PAPPA2: variants seen among roughly 807,000 people sequenced by gnomAD.
PAPPA2 encodes pappalysin-2.
Under a neutral mutation model 176.4 loss-of-function variants are expected in PAPPA2, and 86 were observed. The observed-to-expected ratio is 0.49, with a 90% confidence interval of 0.41 to 0.58. The LOEUF (loss-of-function observed/expected upper bound fraction) is 0.58. Ranked by LOEUF, PAPPA2 falls within the 20% of genes least tolerant of loss-of-function variation. PAPPA2 has a pLI of 0.00. For synonymous variants in PAPPA2, 809 were observed against 852.2 expected (o/e 0.95, Z 0.88); for missense variants, 2,073 against 2,256.9 (o/e 0.92, Z 1.65).
intron 14 of PAPPA2, among the ~76,000 whole-genome samples, chr1:176,760,944 C>T (rs1571286299): frequency 6.6e-6 from 1 of 152,072 alleles, no homozygotes; most frequent in African/African-American, 2.4e-5. Context: ...GTCTCAGCCT[C>T]CCGGGTAGCT....
At chr1:176,739,855 C>A in intron 13 of PAPPA2, 94 bp downstream of exon 13, 1 of 1,569,730 alleles carries the variant, frequency 6.4e-7, no homozygotes, top group African/African-American at 1.4e-5. Context: ...TGTCTGGGAT[C>A]TTGCCTACAT....
chr1:176,678,018 G>A (rs1659392806), intron 4 of PAPPA2, among the ~76,000 whole-genome samples: 1 of 152,182 alleles, frequency 6.6e-6, no homozygotes, highest in Non-Finnish European at 1.5e-5. Flanking sequence ...CATTAACGAA[G>A]AGTTTCCAGA....
chr1:176,635,147 CA>C (rs1429064049), intron 3 of PAPPA2, among the ~76,000 whole-genome samples: 2 of 152,042 alleles, frequency 1.3e-5, no homozygotes, highest in Admixed American at 1.3e-4. Context: ...CTGCTATAGG[CA>C]GAAGTTTTCA....
chr1:176,761,125 A>T (rs951914600), intron 14 of PAPPA2, among the ~76,000 whole-genome samples: 1 of 152,102 alleles, frequency 6.6e-6, no homozygotes, highest in African/African-American at 2.4e-5. Context: ...CCGGCCAAAA[A>T]CATGTTTTAA....
chr1:176,843,422 A>G lies in PAPPA2; in HGVS notation c.*968A>G, dbSNP rs1239224154. 2.0e-5 allele frequency: 3 copies of G among 151,788 alleles called. No homozygotes were observed. The highest frequency in any genetic ancestry group is 4.4e-5 in the Non-Finnish European group (3 of 67,956). 9.4% of individuals were successfully genotyped at this position (151,788 alleles called of 1,614,324 possible). On this transcript the variant is annotated 3_prime_UTR_variant, in exon 23 of 23. Transcript: ENST00000367662. Reference sequence around the variant, plus strand: ...TACTAACTTTTGTCAACTTCTCAGAACTCCCAACTGGAGTCGGTGAGACCT... The same window carrying G: ...TACTAACTTTTGTCAACTTCTCAGAGCTCCCAACTGGAGTCGGTGAGACCT...
chr1:176,616,825 A>G (rs1269829190), intron 3 of PAPPA2: 3 of 648,894 alleles, frequency 4.6e-6, no homozygotes, highest in Middle Eastern at 4.9e-4. Context: ...TAGGGTTATG[A>G]AATAATTAAA....
intron 14 of PAPPA2, among the ~76,000 whole-genome samples, chr1:176,741,282 C>T (rs1258519429): frequency 6.6e-6 from 1 of 152,152 alleles, no homozygotes; most frequent in Non-Finnish European, 1.5e-5. Context: ...GAATTCACTT[C>T]CAAGCTCACT....
rs748710026 is a variant in PAPPA2, at chr1:176,699,587, C to A, written c.3234C>A (p.Asp1078Glu). The A allele has an allele frequency of 6.3e-7, 1 of 1,597,336 alleles. No homozygotes were observed. Among genetic ancestry groups the A allele is most frequent in the Non-Finnish European group, 8.6e-7 (1 of 1,167,878 alleles). ...VVTHSHRKFT[D>E]VEVTPGQMYQ... ...CACATTCTCACAGGAAGTTCACGGA[C>A]GTGTGAGTTTGGTAGCATGACTATG... Residue 1078 changes from aspartate (D) to glutamate (E), a missense_variant and splice_region_variant, in exon 8 of 23, where the codon GAC becomes GAA. Physicochemically the swap from Asp to Glu is conservative, Grantham distance 45. This residue lies in a region of PAPPA2 where 846 missense variants were observed against 857.9 expected (regional missense o/e 0.99). Transcript: ENST00000367662.
chr1:176,470,515 G>T (rs569639304), intron 1 of PAPPA2, among the ~76,000 whole-genome samples: 11 of 152,240 alleles, frequency 7.2e-5, no homozygotes, highest in Admixed American at 3.3e-4. Flanking sequence ...CAGGGGAGAG[G>T]AATGATCAGG....
chr1:176,765,032 G>C (rs1218295310), intron 14 of PAPPA2, among the ~76,000 whole-genome samples: 1 of 152,222 alleles, frequency 6.6e-6, no homozygotes, highest in Non-Finnish European at 1.5e-5. Context: ...ATGGATTCAA[G>C]AGGTGTGAAT....
intron 4 of PAPPA2, among the ~76,000 whole-genome samples, chr1:176,686,521 T>C (rs1397561226): frequency 6.6e-6 from 1 of 152,192 alleles, no homozygotes; most frequent in African/African-American, 2.4e-5. Flanking sequence ...AGCCAAACTA[T>C]ATCACCATTG....
intron 3 of PAPPA2, among the ~76,000 whole-genome samples, chr1:176,631,810 G>A (rs951805188): frequency 4.6e-5 from 7 of 152,186 alleles, no homozygotes; most frequent in Non-Finnish European, 8.8e-5. Context: ...GGTAAAGGCA[G>A]TATTTCTTTA....
chr1:176,835,287 C>A (rs2102988226), intron 21 of PAPPA2, among the ~76,000 whole-genome samples: 1 of 152,272 alleles, frequency 6.6e-6, no homozygotes. Context: ...TTCATTTCAT[C>A]ATTTGTAAAA....
intron 6 of PAPPA2, among the ~76,000 whole-genome samples, chr1:176,692,543 G>A (rs1186271236): frequency 6.6e-6 from 1 of 152,228 alleles, no homozygotes; most frequent in Non-Finnish European, 1.5e-5. Context: ...TCCCCCCTCA[G>A]GGAGGCCTGG....
chr1:176,699,695 G>A, intron 8 of PAPPA2, 106 bp downstream of exon 8: 1 of 1,469,474 alleles, frequency 6.8e-7, no homozygotes, highest in Non-Finnish European at 9.1e-7. Context: ...TCGGAGGAAT[G>A]TTTAGACTTT....
At chr1:176,732,166 C>T (rs1424551703) in intron 12 of PAPPA2, among the ~76,000 whole-genome samples, 2 of 152,098 alleles carry the variant, frequency 1.3e-5, no homozygotes, top group Non-Finnish European at 2.9e-5. Flanking sequence ...GATTATTTGA[C>T]TGTGTTTATA....
At chr1:176,814,295 A>C (rs763421490) in intron 21 of PAPPA2, among the ~76,000 whole-genome samples, 24 of 152,178 alleles carry the variant, frequency 1.6e-4, no homozygotes, top group Non-Finnish European at 3.1e-4. Context: ...TGAATTTTAA[A>C]ATAGTTTTTT....
At chr1:176,561,011 G>A (rs1031934446) in intron 2 of PAPPA2, among the ~76,000 whole-genome samples, 1 of 152,162 alleles carries the variant, frequency 6.6e-6, no homozygotes, top group Non-Finnish European at 1.5e-5. Context: ...CTAAGAAACT[G>A]TCCCTGACAT....
intron 21 of PAPPA2, among the ~76,000 whole-genome samples, chr1:176,804,766 A>T (rs952111901): frequency 2.6e-5 from 4 of 152,224 alleles, no homozygotes; most frequent in African/African-American, 9.6e-5. Context: ...CGATGTTTGA[A>T]TGTTTGAAAT....
Sources: gnomAD v4.1 joint callset for allele counts (sites outside exome capture counted in the v4.1 genomes callset) on GRCh38, gnomAD v4.1.1 for gene constraint, gnomAD v4.1.1 regional missense constraint, MANE v1.5 for transcripts, NCBI Gene and HGNC (gene_info 2026-07-23, HGNC 2026-07-21) for gene names.